Variants in PTCHD4 observed in about 807,000 individuals in gnomAD.
PTCHD4 encodes the protein patched domain containing 4, also known as patched domain-containing protein 4.
Under a neutral mutation model 58.1 loss-of-function variants are expected in PTCHD4, and 33 were observed. The ratio of observed to expected loss-of-function variants is 0.57; its 90% CI spans 0.43 to 0.76. PTCHD4 has a LOEUF of 0.76. PTCHD4 is among the 30% of genes least tolerant of loss of function. PTCHD4 has a pLI of 0.00. For synonymous variants in PTCHD4, 478 were observed against 409.6 expected (o/e 1.17, Z -2.02); for missense variants, 1,058 against 1,027.1 (o/e 1.03, Z -0.41).
At position 47,879,616 on chromosome 6, in the gene PTCHD4, G is replaced by C; in HGVS notation, c.1219C>G (p.Pro407Ala). 6.2e-7 allele frequency: 1 copy of C among 1,613,668 alleles called. No individual in the cohort carries two copies. The highest frequency in any genetic ancestry group is 1.7e-4 in the Middle Eastern group (1 of 6,060). Residue 407 changes from proline to alanine, a missense_variant, in exon 5 of 5, where the codon CCT becomes GCT. Physicochemically the swap from Pro to Ala is conservative, Grantham distance 27 (BLOSUM62 -1). Coordinates refer to ENST00000339488, the MANE Select transcript of PTCHD4 (RefSeq NM_001384253.1). ...RYHSIFCCKI[P>A]SAEYLDRKPV... ...TTGCGATCCAGGTATTCTGCAGAAG[G>C]GATCTTACAGCAAAAGATGCTGTGG...
chr6:47,890,211 A>G (rs927800824), intron 4 of PTCHD4, among the ~76,000 whole-genome samples: 24 of 151,476 alleles, frequency 1.6e-4, no homozygotes, highest in Admixed American at 1.3e-3. Context: ...GTATGTTTTT[A>G]TATATATTAT....
chr6:48,107,237 T>A (rs994582800), intron 1 of PTCHD4, among the ~76,000 whole-genome samples: 2 of 152,158 alleles, frequency 1.3e-5, no homozygotes, highest in African/African-American at 4.8e-5. Context: ...AGCATGGTAC[T>A]CGTACCAAAA....
chr6:47,881,260 CT>C (rs1162229472), intron 4 of PTCHD4, among the ~76,000 whole-genome samples: 1 of 152,164 alleles, frequency 6.6e-6, no homozygotes, highest in Admixed American at 6.6e-5. Flanking sequence ...TGCAATTGCT[CT>C]GAAATTGCAT....
At chr6:47,980,700 G>T (rs1000408869) in intron 4 of PTCHD4, among the ~76,000 whole-genome samples, 1 of 151,640 alleles carries the variant, frequency 6.6e-6, no homozygotes, top group Non-Finnish European at 1.5e-5. Flanking sequence ...TATTTTAAAT[G>T]AAAATAATTA....
At chr6:47,930,345 T>C (rs1765771041) in intron 4 of PTCHD4, among the ~76,000 whole-genome samples, 1 of 152,198 alleles carries the variant, frequency 6.6e-6, no homozygotes, top group African/African-American at 2.4e-5. Flanking sequence ...TACAGATGTT[T>C]AGGATCTGAT....
chr6:48,097,559 T>C (rs548617992), intron 1 of PTCHD4, among the ~76,000 whole-genome samples: 2 of 152,316 alleles, frequency 1.3e-5, no homozygotes, highest in South Asian at 4.1e-4. Flanking sequence ...TTTCGGGGTG[T>C]TATCCAACCT....
At chr6:48,066,942 G>C (rs963020158) in intron 3 of PTCHD4, among the ~76,000 whole-genome samples, 1 of 151,404 alleles carries the variant, frequency 6.6e-6, no homozygotes, top group Non-Finnish European at 1.5e-5. Context: ...TATAGATGCC[G>C]ACTATATCAA....
At chr6:47,903,516 T>C (rs1764778614) in intron 4 of PTCHD4, among the ~76,000 whole-genome samples, 1 of 152,144 alleles carries the variant, frequency 6.6e-6, no homozygotes, top group South Asian at 2.1e-4. Context: ...AATTTTACCA[T>C]GTTGCCTAGG....
At chr6:47,976,897 G>T (rs368907519) in intron 4 of PTCHD4, among the ~76,000 whole-genome samples, 2 of 152,034 alleles carry the variant, frequency 1.3e-5, no homozygotes, top group South Asian at 2.1e-4. Context: ...TTATTAAGAT[G>T]AAATTTTTAA....
chr6:47,985,443 G>T (rs946920159), intron 4 of PTCHD4, among the ~76,000 whole-genome samples: 1 of 152,044 alleles, frequency 6.6e-6, no homozygotes, highest in African/African-American at 2.4e-5. Context: ...CAGCAAGAAA[G>T]TGTATGAAAG....
At chr6:47,971,296 A>G (rs1417711044) in intron 4 of PTCHD4, among the ~76,000 whole-genome samples, 2 of 152,228 alleles carry the variant, frequency 1.3e-5, no homozygotes, top group Admixed American at 6.5e-5. Context: ...ATAAGAAACA[A>G]GAAAGAGCTC....
rs113526390 is a variant in PTCHD4 at position 47,877,277 on chromosome 6, T to C, written c.*1026A>G. On this transcript the variant is annotated 3_prime_UTR_variant, in exon 5 of 5. Coordinates refer to ENST00000339488, the MANE Select transcript of PTCHD4 (RefSeq NM_001384253.1). ...ATCTAAAATAAGAACGGTGTAACTATGGAGTACCCCAACTCACATACACAT... is the reference window on the plus strand; with the variant it reads ...ATCTAAAATAAGAACGGTGTAACTACGGAGTACCCCAACTCACATACACAT... Among the ~76,000 whole-genome samples, 2 of 152,132 alleles carry C rather than the reference T, an allele frequency of 1.3e-5. No individual in the cohort carries two copies. Among genetic ancestry groups the C allele is most frequent in the African/African-American group, 4.8e-5 (2 of 41,524 alleles).
intron 4 of PTCHD4, among the ~76,000 whole-genome samples, chr6:47,935,384 T>C (rs1765964879): frequency 6.6e-6 from 1 of 152,018 alleles, no homozygotes; most frequent in African/African-American, 2.4e-5. Context: ...GAACATGTCA[T>C]GGGGCACTTT....
At chr6:47,942,434 C>T (rs1766267033) in intron 4 of PTCHD4, among the ~76,000 whole-genome samples, 1 of 152,076 alleles carries the variant, frequency 6.6e-6, no homozygotes, top group African/African-American at 2.4e-5. Flanking sequence ...TAGCAAAACA[C>T]AATTAAAAAA....
intron 4 of PTCHD4, among the ~76,000 whole-genome samples, chr6:47,939,691 A>G (rs1346967352): frequency 6.6e-6 from 1 of 152,088 alleles, no homozygotes; most frequent in Non-Finnish European, 1.5e-5. Context: ...TAGGGCTTTT[A>G]TTAGCCCAAA....
chr6:48,000,468 C>A (rs994021908), intron 4 of PTCHD4, among the ~76,000 whole-genome samples: 2 of 152,100 alleles, frequency 1.3e-5, no homozygotes, highest in African/African-American at 4.8e-5. Context: ...TTAAAAAATT[C>A]ATGAACACAA....
chr6:48,072,276 T>A (rs1764990549), intron 1 of PTCHD4, among the ~76,000 whole-genome samples: 1 of 152,238 alleles, frequency 6.6e-6, no homozygotes, highest in African/African-American at 2.4e-5. Flanking sequence ...GTCTTTTATT[T>A]ATATTGGCAT....
intron 4 of PTCHD4, among the ~76,000 whole-genome samples, chr6:47,956,670 C>T (rs765734501): frequency 2.6e-5 from 4 of 151,934 alleles, no homozygotes; most frequent in Admixed American, 6.6e-5. Flanking sequence ...CCTGACCTCG[C>T]GATCTGCCTG....
intron 1 of PTCHD4, among the ~76,000 whole-genome samples, chr6:48,073,693 T>C (rs949266577): frequency 2.6e-4 from 39 of 152,210 alleles, no homozygotes; most frequent in African/African-American, 9.4e-4. Flanking sequence ...TCAAAGTCCT[T>C]CCTGAGGTCA....
Sources: allele counts gnomAD v4.1 joint callset (sites outside exome capture counted in the v4.1 genomes callset), GRCh38; gene constraint gnomAD v4.1.1; transcripts MANE v1.5; gene names NCBI Gene and HGNC (gene_info 2026-07-23, HGNC 2026-07-21).